Variants in DPP10 observed in about 807,000 individuals in gnomAD.
DPP10 encodes the protein dipeptidyl peptidase like 10.
In DPP10, 33 loss-of-function variants were observed where a neutral mutation model predicts 120.9. The observed-to-expected ratio is 0.27, with a 90% confidence interval of 0.21 to 0.37. DPP10 has a LOEUF of 0.37. Ranked by LOEUF, DPP10 falls within the 10% of genes least tolerant of loss-of-function variation. DPP10 has a pLI of 1.00. For missense variants in DPP10, 816 were observed against 942.8 expected, an observed-to-expected ratio of 0.87 and a Z score of 1.76; for synonymous variants, 337 against 326.1, an observed-to-expected ratio of 1.03 and a Z score of -0.36.
intron 1 of DPP10, among the ~76,000 whole-genome samples, chr2:115,150,599 T>C (rs1249850210): frequency 6.6e-6 from 1 of 152,240 alleles, no homozygotes; most frequent in African/African-American, 2.4e-5. Context: ...ATATAGCTGT[T>C]ATGTACTCTT....
At chr2:115,344,540 C>T (rs972237494) in intron 3 of DPP10, among the ~76,000 whole-genome samples, 1 of 151,632 alleles carries the variant, frequency 6.6e-6, no homozygotes, top group Non-Finnish European at 1.5e-5. Context: ...ATTGAAATGA[C>T]TTGGAAATAT....
At chr2:114,579,039 T>A (rs1001017681) in intron 1 of DPP10, among the ~76,000 whole-genome samples, 4 of 152,214 alleles carry the variant, frequency 2.6e-5, no homozygotes, top group Non-Finnish European at 5.9e-5. Context: ...GACTGGTAAT[T>A]TGCAAGTTAA....
chr2:115,181,150 A>G (rs1043116236), intron 1 of DPP10, among the ~76,000 whole-genome samples: 1 of 152,246 alleles, frequency 6.6e-6, no homozygotes, highest in Non-Finnish European at 1.5e-5. Flanking sequence ...TAATTTACAG[A>G]CAAACAGTTT....
chr2:115,316,479 T>C (rs72840715), intron 2 of DPP10, among the ~76,000 whole-genome samples: 93 of 152,208 alleles, frequency 6.1e-4, no homozygotes, highest in Non-Finnish European at 1.1e-3. Context: ...GAGAAAGAAT[T>C]CAGCTGAGGA....
chr2:114,993,564 A>ATGTG (rs67544881), intron 1 of DPP10, among the ~76,000 whole-genome samples: 1 of 115,630 alleles, frequency 8.6e-6, no homozygotes, highest in Non-Finnish European at 1.7e-5. Context: ...GATTCTTATT[A>ATGTG]TGTGTGTGTG....
intron 1 of DPP10, among the ~76,000 whole-genome samples, chr2:114,529,915 C>T (rs1216803947): frequency 6.6e-6 from 1 of 152,234 alleles, no homozygotes; most frequent in South Asian, 2.1e-4. Context: ...TCATTTAGCT[C>T]CCACTTACAA....
At chr2:114,461,486 C>G (rs1047854502) in intron 1 of DPP10, 6 of 736,828 alleles carry the variant, frequency 8.1e-6, no homozygotes, top group Non-Finnish European at 9.9e-6. Flanking sequence ...ATTTGATTAC[C>G]TGTCTCCCTC....
intron 7 of DPP10, among the ~76,000 whole-genome samples, chr2:115,727,024 A>C: frequency 6.6e-6 from 1 of 152,014 alleles, no homozygotes; most frequent in South Asian, 2.1e-4. Context: ...AGCAGTTTCA[A>C]GTATTTGGCA....
chr2:115,220,201 G>C (rs1254648962), intron 1 of DPP10, among the ~76,000 whole-genome samples: 1 of 152,074 alleles, frequency 6.6e-6, no homozygotes, highest in African/African-American at 2.4e-5. Flanking sequence ...CAAAGTCTAT[G>C]CTCTTAATCA....
intron 1 of DPP10, among the ~76,000 whole-genome samples, chr2:114,730,927 T>C (rs564285394): frequency 1.3e-5 from 2 of 151,710 alleles, no homozygotes; most frequent in African/African-American, 4.8e-5. Flanking sequence ...TTAAACTTGC[T>C]GTGAGCCACG....
Position 115,031,467 on chromosome 2 carries a change from T to C in DPP10, c.61-277772T>C, listed in dbSNP as rs183952615. On this transcript the variant is annotated intron_variant, in intron 1 of 25. Coordinates refer to ENST00000410059, the MANE Select transcript of DPP10 (RefSeq NM_020868.6). Reference sequence around the variant, plus strand: ...ATTTGTTCCTCACCCCTGTTGACCTTCAAGGGAATAAACAGAAGGAAATTC... The same window carrying C: ...ATTTGTTCCTCACCCCTGTTGACCTCCAAGGGAATAAACAGAAGGAAATTC... Among the ~76,000 whole-genome samples, 9 of 152,324 alleles carry C rather than the reference T, an allele frequency of 5.9e-5. No individual in the cohort carries two copies. In the East Asian group the frequency reaches 1.7e-3, roughly 29 times the overall value.
At chr2:114,478,385 C>T (rs1435337378) in intron 1 of DPP10, among the ~76,000 whole-genome samples, 1 of 151,966 alleles carries the variant, frequency 6.6e-6, no homozygotes. Flanking sequence ...TGCAAACATG[C>T]ACCACAAGTT....
chr2:115,623,776 A>G (rs1386308713), intron 5 of DPP10, among the ~76,000 whole-genome samples: 1 of 152,180 alleles, frequency 6.6e-6, no homozygotes, highest in South Asian at 2.1e-4. Context: ...CGTATGAAAT[A>G]TGCATTGCAT....
intron 5 of DPP10, among the ~76,000 whole-genome samples, chr2:115,666,681 C>T (rs2089480795): frequency 6.6e-6 from 1 of 152,030 alleles, no homozygotes; most frequent in South Asian, 2.1e-4. Context: ...AGGTTGATTC[C>T]ACGACTTTGC....
chr2:114,835,028 C>G (rs1209616027), intron 1 of DPP10: 3 of 149,832 alleles, frequency 2.0e-5, no homozygotes, highest in Non-Finnish European at 4.4e-5. Context: ...TATCTACACA[C>G]CTATGTACAT....
At chr2:115,564,092 CA>C (rs2080849228) in intron 5 of DPP10, among the ~76,000 whole-genome samples, 1 of 152,066 alleles carries the variant, frequency 6.6e-6, no homozygotes, top group Non-Finnish European at 1.5e-5. Context: ...ATTACTTTTA[CA>C]GAGTGGAAAT....
At chr2:114,930,929 G>T (rs893743924) in intron 1 of DPP10, among the ~76,000 whole-genome samples, 4 of 152,164 alleles carry the variant, frequency 2.6e-5, no homozygotes, top group African/African-American at 9.7e-5. Flanking sequence ...AGTTCATAAA[G>T]GATTTACCCC....
At chr2:115,040,962 T>C (rs1704592350) in intron 1 of DPP10, among the ~76,000 whole-genome samples, 1 of 151,806 alleles carries the variant, frequency 6.6e-6, no homozygotes. Flanking sequence ...CTACTAAAAA[T>C]ACAAAAATTA....
At chr2:114,632,134 A>T (rs1694970657) in intron 1 of DPP10, among the ~76,000 whole-genome samples, 1 of 152,062 alleles carries the variant, frequency 6.6e-6, no homozygotes, top group Non-Finnish European at 1.5e-5. Context: ...TCTTTTTTGC[A>T]AGAATAGATA....
Sources: gnomAD v4.1 joint callset for allele counts (sites outside exome capture counted in the v4.1 genomes callset) on GRCh38, gnomAD v4.1.1 for gene constraint, MANE v1.5 for transcripts, NCBI Gene and HGNC (gene_info 2026-07-23, HGNC 2026-07-21) for gene names.